Variants in MATCAP2 observed in about 807,000 individuals in gnomAD.
MATCAP2 encodes putative tyrosine carboxypeptidase MATCAP2.
the MATCAP2 span, among the ~76,000 whole-genome samples, chr7:36,354,375 C>T: frequency 6.6e-6 from 1 of 152,254 alleles, no homozygotes; most frequent in Non-Finnish European, 1.5e-5. Context: ...GAAAGTCTAG[C>T]ATCATTCTGC....
At chr7:36,385,667 TC>T in the MATCAP2 span, among the ~76,000 whole-genome samples, 1 of 151,958 alleles carries the variant, frequency 6.6e-6, no homozygotes, top group East Asian at 1.9e-4. Flanking sequence ...GCACCTGTTG[TC>T]CCAGATACTT....
chr7:36,370,780 C>T, the MATCAP2 span, among the ~76,000 whole-genome samples: 34 of 152,366 alleles, frequency 2.2e-4, no homozygotes, highest in African/African-American at 8.2e-4. Context: ...CACGCCTCGC[C>T]ATTAAAACTG....
the MATCAP2 span, chr7:36,325,846 TTTC>T: frequency 6.6e-6 from 1 of 152,030 alleles, no homozygotes; most frequent in Non-Finnish European, 1.5e-5. Flanking sequence ...TACCCAGAAA[TTTC>T]TTTTTTCAGA....
chr7:36,359,380 T>C, the MATCAP2 span, among the ~76,000 whole-genome samples: 1 of 152,214 alleles, frequency 6.6e-6, no homozygotes, highest in South Asian at 2.1e-4. Context: ...AGAGAAACTC[T>C]TATCTAAATG....
chr7:36,332,868 G>A, the MATCAP2 span, among the ~76,000 whole-genome samples: 3 of 152,240 alleles, frequency 2.0e-5, no homozygotes, highest in Non-Finnish European at 2.9e-5. Context: ...CAGAGGTTGC[G>A]GTGAGCTGAG....
chr7:36,389,201 G>C, the MATCAP2 span, among the ~76,000 whole-genome samples: 3 of 151,488 alleles, frequency 2.0e-5, no homozygotes, highest in Admixed American at 2.0e-4. Context: ...GCTGGGATTA[G>C]AGGCACGCGC....
the MATCAP2 span, among the ~76,000 whole-genome samples, chr7:36,329,081 G>C: frequency 6.6e-6 from 1 of 151,852 alleles, no homozygotes; most frequent in Non-Finnish European, 1.5e-5. Context: ...AAGAACTCAT[G>C]TTCATATTAT....
At chr7:36,390,157 CGCGTGCGCAGTGTGTGCGG>C in the MATCAP2 span, 10 of 1,576,792 alleles carry the variant, frequency 6.3e-6, no homozygotes, top group Admixed American at 1.8e-5. Flanking sequence ...CGTGTGTGCG[CGCGTGCGCAGTGTGTGCGG>C]GCCGGGGTCG....
At chr7:36,375,855 G>C in the MATCAP2 span, among the ~76,000 whole-genome samples, 4 of 152,178 alleles carry the variant, frequency 2.6e-5, no homozygotes, top group East Asian at 5.8e-4. Flanking sequence ...ATTTCTTCTA[G>C]ATTTTCTAGT....
At chr7:36,377,090 GC>G in the MATCAP2 span, among the ~76,000 whole-genome samples, 5 of 152,118 alleles carry the variant, frequency 3.3e-5, no homozygotes, top group African/African-American at 1.2e-4. Context: ...GGGGCATTTA[GC>G]CCATTTACAT....
At chr7:36,375,278 C>A in the MATCAP2 span, among the ~76,000 whole-genome samples, 1 of 152,312 alleles carries the variant, frequency 6.6e-6, no homozygotes, top group East Asian at 1.9e-4. Flanking sequence ...ATTTGCATTT[C>A]TCTGATGACC....
At chr7:36,387,391 A>G in the MATCAP2 span, among the ~76,000 whole-genome samples, 1 of 152,046 alleles carries the variant, frequency 6.6e-6, no homozygotes, top group Non-Finnish European at 1.5e-5. Context: ...TATTATTCAC[A>G]TTTTTATTGT....
the MATCAP2 span, among the ~76,000 whole-genome samples, chr7:36,370,503 A>C: frequency 9.2e-4 from 140 of 151,904 alleles, no homozygotes; most frequent in Non-Finnish European, 1.7e-3. Flanking sequence ...TTTGAGATGG[A>C]GTTTCGCTCT....
chr7:36,327,657 A>C, the MATCAP2 span, among the ~76,000 whole-genome samples: 1 of 152,280 alleles, frequency 6.6e-6, no homozygotes. Context: ...CAGGGTGAGC[A>C]TCCCAAATCC....
chr7:36,356,944 T>C, the MATCAP2 span: 1 of 1,614,258 alleles, frequency 6.2e-7, no homozygotes, highest in Non-Finnish European at 8.5e-7. Flanking sequence ...GCTTAGCTAA[T>C]ACGCTTGGCA....
chr7:36,364,008 A>G, the MATCAP2 span, among the ~76,000 whole-genome samples: 2 of 151,964 alleles, frequency 1.3e-5, no homozygotes, highest in East Asian at 3.8e-4. Flanking sequence ...TCTATATTTT[A>G]GAATCAAGAT....
chr7:36,372,843 G>A, the MATCAP2 span, among the ~76,000 whole-genome samples: 3 of 152,126 alleles, frequency 2.0e-5, no homozygotes, highest in African/African-American at 4.8e-5. Flanking sequence ...GGTGGCTCAC[G>A]CCTGTAATCC....
At chr7:36,334,535 C>CAAAAAAAAA in the MATCAP2 span, among the ~76,000 whole-genome samples, 2 of 49,522 alleles carry the variant, frequency 4.0e-5, no homozygotes, top group African/African-American at 9.2e-5. Flanking sequence ...GATCCCATCT[C>CAAAAAAAAA]AAAAAAAAAA....
At chr7:36,381,382 G>T in the MATCAP2 span, among the ~76,000 whole-genome samples, 1 of 152,082 alleles carries the variant, frequency 6.6e-6, no homozygotes, top group African/African-American at 2.4e-5. Flanking sequence ...TCAGAGTATA[G>T]GAAGGAGGCC....
Sources: gnomAD v4.1 joint callset for allele counts (sites outside exome capture counted in the v4.1 genomes callset) on GRCh38, gnomAD v4.1.1 for gene constraint, MANE v1.5 for transcripts, NCBI Gene and HGNC (gene_info 2026-07-23, HGNC 2026-07-21) for gene names.